The following LRRC37A2 variants were observed in gnomAD, a reference collection of about 807,000 sequenced individuals.
LRRC37A2 encodes leucine-rich repeat-containing protein 37A2.
Under a neutral mutation model 68.8 loss-of-function variants are expected in LRRC37A2, and 9 were observed. The observed-to-expected ratio is 0.13, with a 90% CI of 0.08 to 0.23. LRRC37A2 has a LOEUF of 0.23. Ranked by LOEUF, LRRC37A2 falls within the 10% of genes least tolerant of loss-of-function variation. LRRC37A2 has a pLI of 1.00. For synonymous variants in LRRC37A2, 63 were observed against 367.6 expected (o/e 0.17, Z 9.48); for missense variants, 168 against 950.4 (o/e 0.18, Z 10.82).
At chr17:46,952,684 A>G in the LRRC37A2 span, 2 of 152,222 alleles carry the variant, frequency 1.3e-5, no homozygotes, top group South Asian at 4.1e-4. Context: ...GCCACCTGAG[A>G]ATAAAGTGAT....
rs1437681528 is a variant in LRRC37A2, at chr17:46,548,776, G to T, written c.3637G>T (p.Glu1213Ter). 6.2e-7 allele frequency: 1 copy of T among 1,611,548 alleles called. No homozygotes were observed. The highest frequency in any genetic ancestry group is 2.2e-5 in the East Asian group (1 of 44,676). ...AAGGCTCGGGAGTCCAGCCCCAAGG[G>T]AGGTGGAACAGCCCCACACACAGCA... Residue 1213 changes from glutamate (E) to a stop codon, truncating the protein, a stop_gained, in exon 10 of 15, where the codon GAG (glutamate) becomes TAG (stop). Transcript: ENST00000576629. LOFTEE classifies it high-confidence loss of function.
the LRRC37A2 span, chr17:46,726,728 T>A: frequency 1.1e-6 from 1 of 918,610 alleles, no homozygotes; most frequent in Middle Eastern, 2.1e-4. Context: ...TAGAAATACC[T>A]TTCTTTGTCT....
chr17:46,673,909 G>GA, the LRRC37A2 span, among the ~76,000 whole-genome samples: 2 of 9,290 alleles, frequency 2.2e-4, 1 homozygote, highest in Admixed American at 2.1e-3. Context: ...TATTCCATGG[G>GA]GGTGTGTGTG....
At chr17:46,404,635 C>T in the LRRC37A2 span, among the ~76,000 whole-genome samples, 3 of 105,408 alleles carry the variant, frequency 2.8e-5, no homozygotes, top group East Asian at 2.4e-4. Context: ...TTTGGGAGAC[C>T]GAGGTGGGTG....
At chr17:46,545,681 CTCTT>C (rs1225514551) in intron 8 of LRRC37A2, among the ~76,000 whole-genome samples, 2 of 117,836 alleles carry the variant, frequency 1.7e-5, no homozygotes, top group Non-Finnish European at 3.3e-5. Flanking sequence ...AGAACTCCTC[CTCTT>C]TCTTTTTCAA....
the LRRC37A2 span, among the ~76,000 whole-genome samples, chr17:46,879,538 C>G: frequency 1.3e-5 from 2 of 152,250 alleles, no homozygotes; most frequent in African/African-American, 2.4e-5. Context: ...AAAACTTTTA[C>G]CCCTTTCATC....
the LRRC37A2 span, among the ~76,000 whole-genome samples, chr17:46,690,624 A>AAAAAAAAT: frequency 9.0e-6 from 1 of 110,976 alleles, no homozygotes; most frequent in Non-Finnish European, 1.8e-5. Context: ...AAAAAAAAAA[A>AAAAAAAAT]ATATATATAT....
chr17:46,681,371 T>TCCGGA, the LRRC37A2 span, among the ~76,000 whole-genome samples: 5 of 125,514 alleles, frequency 4.0e-5, no homozygotes, highest in Admixed American at 2.5e-4. Flanking sequence ...ATTCCTGTGG[T>TCCGGA]CCCAGCCACT....
At chr17:46,769,690 C>G in the LRRC37A2 span, 1 of 1,544,666 alleles carries the variant, frequency 6.5e-7, no homozygotes, top group East Asian at 2.3e-5. Context: ...ACCCACAGGG[C>G]TGCCGGAAGG....
chr17:46,846,984 A>T, the LRRC37A2 span, among the ~76,000 whole-genome samples: 2 of 152,162 alleles, frequency 1.3e-5, no homozygotes, highest in Non-Finnish European at 2.9e-5. Flanking sequence ...TTTCCTGCAA[A>T]TGCTTAAAGT....
the LRRC37A2 span, chr17:46,722,156 C>T: frequency 1.9e-6 from 3 of 1,611,770 alleles, no homozygotes; most frequent in South Asian, 1.1e-5. Flanking sequence ...TCTTGGCGCT[C>T]GAACTGAACA....
chr17:46,715,898 A>G, the LRRC37A2 span, among the ~76,000 whole-genome samples: 48 of 152,294 alleles, frequency 3.2e-4, no homozygotes, highest in African/African-American at 1.1e-3. Context: ...TTAATTCATG[A>G]TTCACTGTCC....
At chr17:46,926,771 A>G in the LRRC37A2 span, among the ~76,000 whole-genome samples, 3 of 152,194 alleles carry the variant, frequency 2.0e-5, no homozygotes, top group Non-Finnish European at 2.9e-5. Flanking sequence ...CTGGAATTGT[A>G]TTATTGGCCA....
At chr17:46,800,938 G>A in the LRRC37A2 span, among the ~76,000 whole-genome samples, 1 of 152,162 alleles carries the variant, frequency 6.6e-6, no homozygotes, top group Admixed American at 6.5e-5. Context: ...GAGAAGGCAG[G>A]GGGTAGCACA....
At chr17:46,999,657 C>T in the LRRC37A2 span, among the ~76,000 whole-genome samples, 2 of 151,912 alleles carry the variant, frequency 1.3e-5, no homozygotes, top group African/African-American at 2.4e-5. Flanking sequence ...GCCTGTTAGG[C>T]GTTTCTTAAC....
the LRRC37A2 span, chr17:46,966,732 A>C: frequency 8.5e-6 from 4 of 471,496 alleles, no homozygotes; most frequent in African/African-American, 8.0e-5. Context: ...TGACTTGAGC[A>C]ATTTGTGCCT....
At chr17:46,532,110 G>A (rs113652086) in intron 6 of LRRC37A2, among the ~76,000 whole-genome samples, 11,151 of 135,952 alleles carry the variant, frequency 0.082, 5 homozygotes, top group Non-Finnish European at 0.13. Context: ...CGTTTATCAG[G>A]CTGCTCTCGA....
At chr17:47,013,205 C>T in the LRRC37A2 span, among the ~76,000 whole-genome samples, 26 of 152,140 alleles carry the variant, frequency 1.7e-4, no homozygotes, top group Non-Finnish European at 2.2e-4. Flanking sequence ...TTGGGAGGAG[C>T]GGGGTGGGCA....
chr17:46,890,381 TAA>T, the LRRC37A2 span, among the ~76,000 whole-genome samples: 2 of 152,158 alleles, frequency 1.3e-5, no homozygotes, highest in Admixed American at 6.6e-5. Flanking sequence ...GCCAATTCGA[TAA>T]GAGGCTGGAT....
Sources: gnomAD v4.1 joint callset for allele counts (sites outside exome capture counted in the v4.1 genomes callset) on GRCh38, gnomAD v4.1.1 for gene constraint, MANE v1.5 for transcripts, NCBI Gene and HGNC (gene_info 2026-07-23, HGNC 2026-07-21) for gene names.